Variants in EPN2 observed in about 807,000 individuals in gnomAD.
The protein encoded by EPN2 is epsin 2.
EPN2 carries 34 observed loss-of-function variants against 61.7 expected under a neutral mutation model. That is an observed-to-expected ratio of 0.55 (90% CI 0.42 to 0.73). The LOEUF (loss-of-function observed/expected upper bound fraction) is 0.73. Ranked by LOEUF, EPN2 falls within the 30% of genes least tolerant of loss-of-function variation. The probability of loss-of-function intolerance (pLI) is 0.00; values close to 1 mark genes in which losing one functional copy is unlikely to be tolerated. For missense variants in EPN2, 714 were observed against 839.2 expected (o/e 0.85, Z 1.84); for synonymous variants, 349 against 353.6 (o/e 0.99, Z 0.15).
In EPN2 at chr17:19,300,968, G is replaced by A. The variant is rs188171665; in HGVS notation, c.767-8917G>A. On this transcript the variant is annotated intron_variant, in intron 4 of 10. Coordinates refer to ENST00000314728, the MANE Select transcript of EPN2 (RefSeq NM_014964.5). ...CAGCCAGGGGAGGCGCAGTGAGAAG[G>A]TGGCCTTAGAGCTGATACTTAGGGA... Among the ~76,000 whole-genome samples the A allele has an allele frequency of 2.6e-4, 40 of 152,318 alleles. 1 individual carries two copies. The highest frequency in any genetic ancestry group is 6.5e-5 in the Admixed American group (1 of 15,306).
intron 7 of EPN2, among the ~76,000 whole-genome samples, chr17:19,322,163 A>G (rs1050916358): frequency 3.3e-5 from 5 of 152,164 alleles, no homozygotes; most frequent in African/African-American, 1.2e-4. Context: ...CTGGATGGAA[A>G]CAGTTATTTC....
At position 19,334,316 on chromosome 17, in the gene EPN2, T is replaced by C; in HGVS notation, c.*62T>C. The C allele has an allele frequency of 7.6e-7, 1 of 1,319,384 alleles. No homozygotes were observed. The highest frequency in any genetic ancestry group is 9.9e-7 in the Non-Finnish European group (1 of 1,010,870). The allele number at this position is 1,319,384 out of a possible 1,614,324, so 81.7% of individuals were successfully genotyped here. ...GGAGGATGCCGAGCAGGGACTCTCG[T>C]CTGTGGGACGGGATCCAAGAGTTTG... On this transcript the variant is annotated 3_prime_UTR_variant, in exon 11 of 11. Transcript: ENST00000314728. The surrounding 1 kb of genome is among the most constrained non-coding windows in gnomAD (Gnocchi z 4.9).
chr17:19,329,595 A>G lies in EPN2; in HGVS notation c.1359A>G (p.Thr453=). ...SFELFSNLNG[T]IKDDFSEFDN... The stretch of plus-strand genomic sequence containing the variant: ...AGCTCTTCAGTAATCTGAATGGTAC[A>G]ATTAAAGATGACTTTTCTGAATTTG... The change falls in exon 9 of 11, where the codon ACA becomes ACG. Residue 453 remains threonine, a synonymous_variant. Transcript: ENST00000314728. The G allele has an allele frequency of 6.2e-7, 1 of 1,613,670 alleles. No homozygotes were observed. The highest frequency in any genetic ancestry group is 8.5e-7 in the Non-Finnish European group (1 of 1,179,592).
At chr17:19,253,358 T>C (rs1302933960) in intron 1 of EPN2, among the ~76,000 whole-genome samples, 5 of 151,882 alleles carry the variant, frequency 3.3e-5, no homozygotes, top group Admixed American at 6.6e-5. Context: ...AATTTATTTA[T>C]TTAGTGGTGG....
chr17:19,257,649 C>A (rs866975565), intron 1 of EPN2, among the ~76,000 whole-genome samples: 22 of 152,068 alleles, frequency 1.4e-4, no homozygotes, highest in Non-Finnish European at 2.5e-4. Context: ...TCCCGAGTAG[C>A]TGGGACTACA....
chr17:19,334,033 G>T lies in EPN2; in HGVS notation c.1705G>T (p.Gly569Trp). The T allele has an allele frequency of 6.2e-7, 1 of 1,604,742 alleles. No individual in the cohort carries two copies. The highest frequency in any genetic ancestry group is 8.5e-7 in the Non-Finnish European group (1 of 1,174,194). Residue 569 changes from glycine to tryptophan, a missense_variant, in exon 11 of 11, where the codon GGG becomes TGG. Around this residue, in one of 2 missense-constraint regions of EPN2, gnomAD observed 410 missense variants for 421.8 expected, o/e 0.97. Coordinates refer to ENST00000314728, the MANE Select transcript of EPN2 (RefSeq NM_014964.5). This position sits in a 1 kb window ranked among gnomAD's most constrained non-coding sequence, Gnocchi z 4.9. Reference sequence around the variant, plus strand: ...GCCGCTGACACTGAACCAGCTTCGGGGGAGCCCAGTCCTGGGGACCAGCAC... The same window carrying T: ...GCCGCTGACACTGAACCAGCTTCGGTGGAGCCCAGTCCTGGGGACCAGCAC... The part of the protein sequence containing the change: ...PQPLTLNQLR[G>W]SPVLGTSTSF...
At chr17:19,294,871 A>G (rs1023433101) in intron 4 of EPN2, among the ~76,000 whole-genome samples, 3 of 152,282 alleles carry the variant, frequency 2.0e-5, no homozygotes, top group African/African-American at 7.2e-5. Flanking sequence ...ATTGGCTAGC[A>G]TAGTCACAGC....
At chr17:19,331,400 G>T (rs1192012062) in intron 9 of EPN2, among the ~76,000 whole-genome samples, 1 of 152,088 alleles carries the variant, frequency 6.6e-6, no homozygotes, top group South Asian at 2.1e-4. Context: ...TACCGGCCTG[G>T]CTCAGCACAG....
At chr17:19,274,594 T>G (rs1219157666) in intron 1 of EPN2, among the ~76,000 whole-genome samples, 1 of 152,184 alleles carries the variant, frequency 6.6e-6, no homozygotes, top group Non-Finnish European at 1.5e-5. Context: ...CATAGTTTCC[T>G]TAGGGACTTG....
intron 5 of EPN2, among the ~76,000 whole-genome samples, chr17:19,310,483 G>A (rs1446030420): frequency 6.6e-6 from 1 of 151,056 alleles, no homozygotes; most frequent in Non-Finnish European, 1.5e-5. Context: ...GTGTTTTGAT[G>A]ATGGAAGTAT....
intron 1 of EPN2, among the ~76,000 whole-genome samples, chr17:19,257,086 G>A (rs1464722004): frequency 6.6e-6 from 1 of 152,220 alleles, no homozygotes; most frequent in Non-Finnish European, 1.5e-5. Context: ...ACTGCAAAGT[G>A]TTGGGTAGAT....
chr17:19,308,767 G>A (rs1016387319), intron 4 of EPN2, among the ~76,000 whole-genome samples: 4 of 152,184 alleles, frequency 2.6e-5, no homozygotes, highest in African/African-American at 9.7e-5. Context: ...GCAGAGGTGG[G>A]CACATACTTC....
At chr17:19,243,334 C>T (rs1201057798) in intron 1 of EPN2, among the ~76,000 whole-genome samples, 1 of 148,986 alleles carries the variant, frequency 6.7e-6, no homozygotes, top group Non-Finnish European at 1.5e-5. Context: ...TTTTCTGCCT[C>T]AGCTTCCTGA....
rs370071204 is a variant in EPN2, at chr17:19,283,687, G to C, written c.568G>C (p.Gly190Arg). The stretch of plus-strand genomic sequence containing the variant: ...CTCGGAGCAGGAGTATGGCAAGGCC[G>C]GGGGCTCCCCGGCCTCCTACCATGG... The part of the protein sequence containing the change: ...SHSEQEYGKA[G>R]GSPASYHGSP... The change falls in exon 3 of 11, where the codon GGG becomes CGG. Residue 190 changes from glycine to arginine, a missense_variant. By Grantham distance (125) the Gly-to-Arg change is moderately radical (BLOSUM62 -2). Coordinates refer to ENST00000314728, the MANE Select transcript of EPN2 (RefSeq NM_014964.5). The surrounding 1 kb of genome is among the most constrained non-coding windows in gnomAD (Gnocchi z 7.0). 1.9e-6 allele frequency: 3 copies of C among 1,599,584 alleles called. No individual in the cohort carries two copies. The East Asian group carries it at 6.7e-5, about 36-fold the overall frequency.
At position 19,283,367 on chromosome 17, in the gene EPN2, A is replaced by G. The variant is rs768345994; in HGVS notation, c.248A>G (p.Tyr83Cys). The G allele has an allele frequency of 1.2e-6, 2 of 1,614,106 alleles. No individual in the cohort carries two copies. The highest frequency in any genetic ancestry group is 1.7e-5 in the Admixed American group (1 of 60,024). ...HVYKALTLLD[Y>C]LIKTGSERVA... The stretch of plus-strand genomic sequence containing the variant: ...TACAAGGCGCTGACCCTGCTGGACT[A>G]CCTCATCAAGACAGGCTCCGAACGT... Residue 83 changes from tyrosine (Y) to cysteine (C), a missense_variant, in exon 3 of 11, where the codon TAC (tyrosine) becomes TGC (cysteine). Around this residue, in one of 2 missense-constraint regions of EPN2, gnomAD observed 304 missense variants for 417.4 expected, o/e 0.73. Coordinates refer to ENST00000314728, the MANE Select transcript of EPN2 (RefSeq NM_014964.5). The surrounding 1 kb of genome is among the most constrained non-coding windows in gnomAD (Gnocchi z 7.0).
intron 1 of EPN2, among the ~76,000 whole-genome samples, chr17:19,270,834 G>A (rs186975747): frequency 1.0e-3 from 152 of 152,360 alleles, no homozygotes; most frequent in African/African-American, 3.5e-3. Flanking sequence ...GCCCCGTGGT[G>A]CCTGGGCTTC....
At chr17:19,262,483 A>G (rs1014766605) in intron 1 of EPN2, among the ~76,000 whole-genome samples, 1 of 152,202 alleles carries the variant, frequency 6.6e-6, no homozygotes, top group African/African-American at 2.4e-5. Context: ...CTCCATCTCA[A>G]AAACAAAACA....
At chr17:19,291,426 CATT>C (rs1284722557) in intron 4 of EPN2, among the ~76,000 whole-genome samples, 3 of 104,002 alleles carry the variant, frequency 2.9e-5, no homozygotes, top group Non-Finnish European at 3.9e-5. Flanking sequence ...ATCAGCCATT[CATT>C]TTTTTTTTTT....
At chr17:19,252,879 T>C (rs985345316) in intron 1 of EPN2, among the ~76,000 whole-genome samples, 4 of 152,140 alleles carry the variant, frequency 2.6e-5, no homozygotes, top group African/African-American at 9.7e-5. Flanking sequence ...TTTTTAGAGA[T>C]GGGGTTTCAC....
Sources: gnomAD v4.1 joint callset for allele counts (sites outside exome capture counted in the v4.1 genomes callset) on GRCh38, gnomAD v4.1.1 for gene constraint, gnomAD v4.1.1 regional missense constraint, Gnocchi (gnomAD v3.1) non-coding constraint, MANE v1.5 for transcripts, NCBI Gene and HGNC (gene_info 2026-07-23, HGNC 2026-07-21) for gene names.